The following OAS3 variants were observed in gnomAD, a reference collection of about 807,000 sequenced individuals.
The protein encoded by OAS3 is 2'-5'-oligoadenylate synthase 3.
Under a neutral mutation model 113.0 loss-of-function variants are expected in OAS3, and 107 were observed. The observed-to-expected ratio is 0.95, with a 90% CI of 0.81 to 1.11. OAS3 has a LOEUF of 1.11. Ranked by LOEUF, OAS3 falls within the 50% of genes most tolerant of loss-of-function variation. The pLI is 0.00. For missense variants in OAS3, 1,258 were observed against 1,389.1 expected (o/e 0.91, Z 1.50); for synonymous variants, 552 against 573.6 (o/e 0.96, Z 0.54).
chr12:112,964,535 C>A, intron 11 of OAS3, 127 bp downstream of exon 11: 2 of 991,960 alleles, frequency 2.0e-6, no homozygotes, highest in Non-Finnish European at 3.0e-6. Flanking sequence ...AGAGAAAGAG[C>A]TGGAAAGTGG....
chr12:112,953,160 C>T (rs1443430246), intron 7 of OAS3, among the ~76,000 whole-genome samples: 2 of 150,308 alleles, frequency 1.3e-5, no homozygotes, highest in African/African-American at 5.0e-5. Flanking sequence ...ACGACAGGCC[C>T]TGGTGTGTGA....
intron 2 of OAS3, chr12:112,942,278 C>T: frequency 5.9e-6 from 2 of 339,262 alleles, no homozygotes; most frequent in Non-Finnish European, 1.1e-5. Flanking sequence ...CTTCGTAATA[C>T]ACGTATGCTT....
In OAS3 at chr12:112,954,475, G is replaced by C. The variant is rs945027793; in HGVS notation, c.1657+3500G>C. On this transcript the variant is annotated intron_variant, in intron 7 of 15. Coordinates refer to ENST00000228928, the MANE Select transcript of OAS3 (RefSeq NM_006187.4). This position sits in a 1 kb window ranked among gnomAD's most constrained non-coding sequence, Gnocchi z 4.0. The stretch of plus-strand genomic sequence containing the variant: ...CTGGCTAATTTTTTTGTATTTTTTA[G>C]TAGAGACAGACAGGGTTTCACCATG... Among the ~76,000 whole-genome samples, 1 of 152,104 alleles carries C rather than the reference G, an allele frequency of 6.6e-6. No individual in the cohort carries two copies. Among genetic ancestry groups the C allele is most frequent in the Non-Finnish European group, 1.5e-5 (1 of 68,026 alleles).
rs760402645 is a variant in OAS3, at chr12:112,949,163, C to T, written c.1332C>T (p.Cys444=). 2 of 1,613,490 alleles carry T rather than the reference C, an allele frequency of 1.2e-6. No homozygotes were observed. Among genetic ancestry groups the T allele is most frequent in the East Asian group, 4.5e-5 (2 of 44,856 alleles). ...AGGCCATTGACATCATCTTGCGCTG[C>T]CTCCATGAGAACTGTGTTCACAAGG... ...VKKAIDIILR[C]LHENCVHKAS... The change falls in exon 6 of 16, where the codon TGC becomes TGT. Residue 444 remains cysteine, a synonymous_variant. Transcript: ENST00000228928.
intron 7 of OAS3, among the ~76,000 whole-genome samples, chr12:112,953,248 T>G (rs903885566): frequency 1.2e-4 from 18 of 152,226 alleles, no homozygotes; most frequent in Non-Finnish European, 1.9e-4. Context: ...TTTGGTTTTC[T>G]GCTCCTGTGT....
Position 112,966,037 on chromosome 12 carries a change from G to A in OAS3, c.2689+8G>A, listed in dbSNP as rs1565982251. 1.9e-6 allele frequency: 3 copies of A among 1,613,588 alleles called. No individual in the cohort carries two copies. Among genetic ancestry groups the A allele is most frequent in the Admixed American group, 1.7e-5 (1 of 60,022 alleles). Reference sequence around the variant, plus strand: ...CAGCCTTTGACGCCCTAGGTGAGGTGCCCTGGCGTAGACCTGAGAGGGGGA... The same window carrying A: ...CAGCCTTTGACGCCCTAGGTGAGGTACCCTGGCGTAGACCTGAGAGGGGGA... On this transcript the variant is annotated splice_region_variant and intron_variant, in intron 12 of 15. Transcript: ENST00000228928.
chr12:112,944,332 C>T, intron 2 of OAS3, 144 bp from the exon 3 acceptor site: 1 of 800,926 alleles, frequency 1.2e-6, no homozygotes, highest in South Asian at 1.7e-5. Context: ...CTTCCCAGTC[C>T]CCCGACTCCC....
In OAS3 at chr12:112,967,593, G is replaced by C; in HGVS notation, c.2865G>C (p.Gln955His). The C allele has an allele frequency of 3.7e-6, 6 of 1,612,732 alleles. No individual in the cohort carries two copies. The highest frequency in any genetic ancestry group is 4.2e-6 in the Non-Finnish European group (5 of 1,179,298). ...GGCTGGTGAAGCACTGGTACCAGCA[G>C]GTTCGGCACATGGATAGGCCACCTT... is the stretch of plus-strand genomic sequence containing the variant. ...LIRLVKHWYQ[Q>H]CTKISKGRGS... is the part of the protein sequence containing the mutation. Residue 955 changes from glutamine (Q) to histidine (H), a missense_variant and splice_region_variant, in exon 13 of 16, where the codon CAG (glutamine) becomes CAC (histidine). By Grantham distance (24) the Gln-to-His change is conservative. Coordinates refer to ENST00000228928, the MANE Select transcript of OAS3 (RefSeq NM_006187.4).
chr12:112,970,078 G>T lies in OAS3; in HGVS notation c.*105G>T. 2 of 1,310,482 alleles carry T rather than the reference G, an allele frequency of 1.5e-6. No homozygotes were observed. The highest frequency in any genetic ancestry group is 2.2e-6 in the Non-Finnish European group (2 of 924,500). The allele number at this position is 1,310,482 out of a possible 1,614,324, so 81.2% of individuals were successfully genotyped here. A position where few individuals can be genotyped will look rare whatever the true frequency, so the allele number is the denominator to read the frequency against. ...ACCAGATGAGAGAGATTGTGTACAT[G>T]TGTGTGTGAGCACATGTGTGCATGT... On this transcript the variant is annotated 3_prime_UTR_variant, in exon 16 of 16. Transcript: ENST00000228928.
chr12:112,968,266 C>A, intron 14 of OAS3, 92 bp downstream of exon 14: 1 of 1,445,290 alleles, frequency 6.9e-7, no homozygotes, highest in Non-Finnish European at 9.2e-7. Context: ...TGGGAAAACA[C>A]TCTTCCTAGA....
chr12:112,947,375 G>A (rs76727481), intron 4 of OAS3, among the ~76,000 whole-genome samples: 4,336 of 152,202 alleles, frequency 0.028, 90 homozygotes, highest in East Asian at 0.088. Flanking sequence ...TATAATTACA[G>A]TTGTGCCTTT....
intron 5 of OAS3, 37 bp downstream of exon 5, chr12:112,948,136 C>T (rs760615995): frequency 1.3e-5 from 20 of 1,481,524 alleles, no homozygotes; most frequent in South Asian, 1.4e-5. Flanking sequence ...GGGTTTTGCA[C>T]TTTGTTTATG....
In OAS3 at chr12:112,944,635, A is replaced by T; in HGVS notation, c.620A>T (p.Lys207Met). 1.2e-6 allele frequency: 2 copies of T among 1,614,074 alleles called. No individual in the cohort carries two copies. ...TTGAAGAACCTAATCTTGCTGGTGAAGCACTGGTACCACCAGGTGAAGCCA... is the reference window on the plus strand; with the variant it reads ...TTGAAGAACCTAATCTTGCTGGTGATGCACTGGTACCACCAGGTGAAGCCA... Reference protein sequence around the residue: ...AKLKNLILLVKHWYHQVCLQG... With the variant: ...AKLKNLILLVMHWYHQVCLQG... The change falls in exon 3 of 16, where the codon AAG becomes ATG. Residue 207 changes from lysine (K) to methionine (M), a missense_variant. By Grantham distance (95) the Lys-to-Met change is moderately conservative. Coordinates refer to ENST00000228928, the MANE Select transcript of OAS3 (RefSeq NM_006187.4).
At chr12:112,946,368 A>G (rs2043728872) in intron 3 of OAS3, among the ~76,000 whole-genome samples, 1 of 152,116 alleles carries the variant, frequency 6.6e-6, no homozygotes, top group Non-Finnish European at 1.5e-5. Context: ...ACCCCACTCC[A>G]GGGGTGAAAG....
At chr12:112,939,015 A>G (rs1361909496) in intron 1 of OAS3, among the ~76,000 whole-genome samples, 1 of 152,182 alleles carries the variant, frequency 6.6e-6, no homozygotes, top group Non-Finnish European at 1.5e-5. Context: ...CTCTACTCTC[A>G]GAGGCTGCTT....
At chr12:112,952,986 T>C (rs1372356350) in intron 7 of OAS3, among the ~76,000 whole-genome samples, 2 of 152,198 alleles carry the variant, frequency 1.3e-5, no homozygotes, top group East Asian at 3.8e-4. Flanking sequence ...AATTCTTTTT[T>C]TCTATGATTT....
At chr12:112,947,126 A>C (rs759038182) in intron 4 of OAS3, 145 bp downstream of exon 4, 41 of 654,132 alleles carry the variant, frequency 6.3e-5, no homozygotes, top group Non-Finnish European at 1.1e-4. Flanking sequence ...AATTCACTGG[A>C]CTCAGCCCAG....
intron 7 of OAS3, among the ~76,000 whole-genome samples, chr12:112,951,839 C>CAAAAAAAAAAA (rs3038125): frequency 9.2e-4 from 97 of 105,620 alleles, no homozygotes; most frequent in Non-Finnish European, 1.2e-3. Flanking sequence ...ACTAAAAATA[C>CAAAAAAAAAAA]AAAAAAAAAA....
chr12:112,965,681 A>G lies in OAS3; in HGVS notation c.2404-63A>G, dbSNP rs564144729. ...TCACACAGTAGGTTTTCTAACTCAC[A>G]GTCCAGAACCGACAGGCTAAGCCAT... On this transcript the variant is annotated intron_variant, in intron 11 of 15. Coordinates refer to ENST00000228928, the MANE Select transcript of OAS3 (RefSeq NM_006187.4). 4 of 1,486,576 alleles carry G rather than the reference A, an allele frequency of 2.7e-6. No individual in the cohort carries two copies. The East Asian group carries it at 7.1e-5, about 27-fold the overall frequency. 92.1% of individuals were successfully genotyped at this position (1,486,576 alleles called of 1,614,324 possible). A position where few individuals can be genotyped will look rare whatever the true frequency, so the allele number is the denominator to read the frequency against.
Sources: allele counts gnomAD v4.1 joint callset (sites outside exome capture counted in the v4.1 genomes callset), GRCh38; gene constraint gnomAD v4.1.1; non-coding constraint Gnocchi (gnomAD v3.1); transcripts MANE v1.5; gene names NCBI Gene and HGNC (gene_info 2026-07-23, HGNC 2026-07-21).